The following NDE1 variants were observed in gnomAD, a reference collection of about 807,000 sequenced individuals.
NDE1 encodes the protein nudE neurodevelopment protein 1, also known as nuclear distribution protein nudE homolog 1.
NDE1 carries 28 observed loss-of-function variants against 43.4 expected under a neutral mutation model. The ratio of observed to expected loss-of-function variants is 0.65; its 90% CI spans 0.48 to 0.89. The LOEUF (loss-of-function observed/expected upper bound fraction) is 0.89, where lower values mean the gene tolerates loss of function less well. Ranked by LOEUF, NDE1 falls within the 40% of genes least tolerant of loss-of-function variation. The pLI, the probability that NDE1 is intolerant of heterozygous loss-of-function variation, is 0.00. For missense variants in NDE1, 441 were observed against 434.1 expected (o/e 1.02, Z -0.14); for synonymous variants, 184 against 172.0 (o/e 1.07, Z -0.55).
At chr16:15,721,078 C>CTA in intron 8 of NDE1, 1 of 1,609,154 alleles carries the variant, frequency 6.2e-7, no homozygotes, top group Non-Finnish European at 8.5e-7. Flanking sequence ...CAGCCCCATT[C>CTA]TATGAGGCTC....
chr16:15,689,798 G>C (rs965955325), intron 5 of NDE1, among the ~76,000 whole-genome samples: 3 of 151,956 alleles, frequency 2.0e-5, no homozygotes, highest in Non-Finnish European at 2.9e-5. Context: ...AAATTAGCCA[G>C]GTGTGGTGGT....
intron 8 of NDE1, chr16:15,718,296 G>C (rs1342948286): frequency 1.9e-6 from 3 of 1,607,652 alleles, no homozygotes; most frequent in Non-Finnish European, 2.5e-6. Context: ...CGTGACTGTG[G>C]TGTCCAGGCG....
At chr16:15,653,461 C>T (rs1472270294) in intron 1 of NDE1, among the ~76,000 whole-genome samples, 1 of 152,128 alleles carries the variant, frequency 6.6e-6, no homozygotes, top group Non-Finnish European at 1.5e-5. Context: ...CAGCTTCTTT[C>T]TCTTCCCTCC....
Position 15,725,323 on chromosome 16 carries a change from G to C in NDE1, c.*1072G>C, listed in dbSNP as rs1309799124. Reference sequence around the variant, plus strand: ...CTAGATCCCTGCCAAGGTTGGTAGAGACAAAGCAGCAGGTCTGAGAGTCCA... The same window carrying C: ...CTAGATCCCTGCCAAGGTTGGTAGACACAAAGCAGCAGGTCTGAGAGTCCA... On this transcript the variant is annotated 3_prime_UTR_variant, in exon 9 of 9. Coordinates refer to ENST00000396354, the MANE Select transcript of NDE1 (RefSeq NM_017668.3). The C allele has an allele frequency of 1.8e-6, 1 of 563,400 alleles. No individual in the cohort carries two copies. Among genetic ancestry groups the C allele is most frequent in the East Asian group, 3.0e-5 (1 of 33,234 alleles). 34.9% of individuals were successfully genotyped at this position (563,400 alleles called of 1,614,324 possible).
chr16:15,653,761 T>G (rs1004160850), intron 1 of NDE1, among the ~76,000 whole-genome samples: 13 of 150,330 alleles, frequency 8.6e-5, no homozygotes, highest in Non-Finnish European at 1.5e-4. Flanking sequence ...GGGTTCTCGC[T>G]CTGTCACACA....
intron 6 of NDE1, among the ~76,000 whole-genome samples, chr16:15,691,889 C>A (rs1020181618): frequency 3.9e-4 from 59 of 151,776 alleles, no homozygotes; most frequent in African/African-American, 1.4e-3. Flanking sequence ...TCGGCTGATC[C>A]CAAAGTGCTG....
intron 4 of NDE1, among the ~76,000 whole-genome samples, chr16:15,682,302 A>G (rs1447726259): frequency 2.0e-5 from 3 of 152,118 alleles, no homozygotes; most frequent in East Asian, 1.9e-4. Context: ...ATGTGCCACC[A>G]TGACTCACTA....
At chr16:15,680,973 T>A (rs533293069) in intron 4 of NDE1, among the ~76,000 whole-genome samples, 4 of 152,010 alleles carry the variant, frequency 2.6e-5, no homozygotes, top group East Asian at 3.9e-4. Context: ...TGAAAAAAAA[T>A]TTTTTATACA....
chr16:15,692,450 C>T (rs2038800959), intron 6 of NDE1, among the ~76,000 whole-genome samples: 1 of 152,160 alleles, frequency 6.6e-6, no homozygotes, highest in Admixed American at 6.5e-5. Context: ...TGCTCTGTTG[C>T]CCAGGCTGGA....
chr16:15,669,042 G>A (rs1476956564), intron 3 of NDE1, among the ~76,000 whole-genome samples: 2 of 151,838 alleles, frequency 1.3e-5, no homozygotes, highest in Non-Finnish European at 2.9e-5. Context: ...TAGGACTACA[G>A]GCGCCTGCCA....
At chr16:15,680,049 G>C (rs2038094331) in intron 4 of NDE1, among the ~76,000 whole-genome samples, 1 of 152,190 alleles carries the variant, frequency 6.6e-6, no homozygotes, top group Non-Finnish European at 1.5e-5. Context: ...AAAGTGCTGG[G>C]ATTACGGGCT....
At chr16:15,676,166 C>G (rs2037862889) in intron 3 of NDE1, among the ~76,000 whole-genome samples, 1 of 151,360 alleles carries the variant, frequency 6.6e-6, no homozygotes, top group East Asian at 1.9e-4. Context: ...TCTCTCCCTC[C>G]CCCATTTTAT....
chr16:15,671,739 G>C (rs530221915), intron 3 of NDE1, among the ~76,000 whole-genome samples: 8 of 152,068 alleles, frequency 5.3e-5, no homozygotes, highest in Non-Finnish European at 7.4e-5. Context: ...CACCCAGGCT[G>C]GAGTGCAGTG....
intron 8 of NDE1, among the ~76,000 whole-genome samples, chr16:15,705,432 G>C (rs2039394913): frequency 2.0e-5 from 3 of 152,216 alleles, no homozygotes; most frequent in African/African-American, 7.2e-5. Flanking sequence ...GTAGGAGGAA[G>C]AGAGTGGGCA....
intron 8 of NDE1, chr16:15,718,609 C>A: frequency 9.5e-7 from 1 of 1,047,928 alleles, no homozygotes; most frequent in Non-Finnish European, 1.3e-6. Flanking sequence ...AAGTGGACAG[C>A]CGGGACTCAG....
upstream of NDE1, among the ~76,000 whole-genome samples, chr16:15,646,048 C>A (rs1262590044): frequency 1.3e-5 from 2 of 152,198 alleles, no homozygotes; most frequent in African/African-American, 4.8e-5. Context: ...TACCCAATGA[C>A]AAACCTATTT....
chr16:15,715,111 G>A, intron 8 of NDE1: 3 of 1,612,456 alleles, frequency 1.9e-6, no homozygotes, highest in Non-Finnish European at 2.5e-6. Context: ...GGGTGGTTAG[G>A]GGAGGCCGGC....
chr16:15,718,991 G>T (rs1020071752), intron 8 of NDE1: 2 of 562,752 alleles, frequency 3.6e-6, no homozygotes, highest in Non-Finnish European at 6.4e-6. Flanking sequence ...AGCCAGGCAT[G>T]GTGGTACACA....
rs1005977032 is a variant in NDE1 at position 15,717,159 on chromosome 16, G to C, written c.948-7032G>C. ...GCATACCTGGCCTCCTGCTCGACCT[G>C]CTCCTCCAGCTGTGCAATCTTGGCC... On this transcript the variant is annotated intron_variant, in intron 8 of 8. Coordinates refer to ENST00000396354, the MANE Select transcript of NDE1 (RefSeq NM_017668.3). The C allele has an allele frequency of 6.2e-6, 10 of 1,614,046 alleles. No individual in the cohort carries two copies. The highest frequency in any genetic ancestry group is 8.5e-6 in the Non-Finnish European group (10 of 1,180,036).
Sources: allele counts gnomAD v4.1 joint callset (sites outside exome capture counted in the v4.1 genomes callset), GRCh38; gene constraint gnomAD v4.1.1; transcripts MANE v1.5; gene names NCBI Gene and HGNC (gene_info 2026-07-23, HGNC 2026-07-21).